Variants in FRMD6 observed in about 807,000 individuals in gnomAD.
The protein encoded by FRMD6 is FERM domain containing 6, also known as FERM domain-containing protein 6.
A neutral mutation model predicts 73.2 loss-of-function variants in FRMD6; 37 were observed. The observed-to-expected ratio is 0.51, with a 90% CI of 0.39 to 0.66. The LOEUF is 0.66. FRMD6 is among the 30% of genes least tolerant of loss of function. FRMD6 has a pLI of 0.00. For synonymous variants in FRMD6, 273 were observed against 282.2 expected, an observed-to-expected ratio of 0.97 and a Z score of 0.33; for missense variants, 714 against 780.5, an observed-to-expected ratio of 0.91 and a Z score of 1.02.
the FRMD6 span, among the ~76,000 whole-genome samples, chr14:51,417,117 CTG>C: frequency 3.9e-5 from 6 of 152,120 alleles, no homozygotes; most frequent in Non-Finnish European, 7.3e-5. Context: ...ATTTGCCAGT[CTG>C]TGTCTTTTAA....
At chr14:51,556,233 C>T (rs138973294) in intron 1 of FRMD6, among the ~76,000 whole-genome samples, 1 of 152,362 alleles carries the variant, frequency 6.6e-6, no homozygotes, top group African/African-American at 2.4e-5. Flanking sequence ...TTTCTACCCA[C>T]AGACATCAAT....
chr14:51,417,427 A>T, the FRMD6 span, among the ~76,000 whole-genome samples: 1 of 152,172 alleles, frequency 6.6e-6, no homozygotes, highest in East Asian at 1.9e-4. Context: ...GTTTGGCTGG[A>T]TATGCAGTTC....
At chr14:51,553,795 G>A (rs920986538) in intron 1 of FRMD6, among the ~76,000 whole-genome samples, 5 of 152,146 alleles carry the variant, frequency 3.3e-5, no homozygotes, top group Admixed American at 2.6e-4. Flanking sequence ...AAGAGAAGAC[G>A]GTGGAGTTTA....
rs1884118687 is a variant in FRMD6, at chr14:51,508,658, T to C, written c.-210+19238T>C. Among the ~76,000 whole-genome samples the C allele has an allele frequency of 2.6e-5, 4 of 152,234 alleles. No individual in the cohort carries two copies. In the South Asian group the frequency reaches 6.2e-4, roughly 24 times the overall value. ...CTTAGTAAGGAGAAAAACAAGGCTG[T>C]AGCCCGACTGGAAAATTTACTGCGG... On this transcript the variant is annotated intron_variant, in intron 1 of 14. Transcript: ENST00000356218.
chr14:51,602,757 C>G (rs1890089110), intron 2 of FRMD6, among the ~76,000 whole-genome samples: 2 of 152,168 alleles, frequency 1.3e-5, no homozygotes, highest in African/African-American at 2.4e-5. Context: ...TTTGGGTGAA[C>G]AGTTTTTTAA....
upstream of FRMD6, chr14:51,650,544 C>T (rs944974202): frequency 6.6e-5 from 10 of 151,076 alleles, no homozygotes; most frequent in Non-Finnish European, 1.5e-4. Context: ...TACAGGCGCC[C>T]GCCACTACGC....
At chr14:51,652,116 G>A (rs1892450748) in intron 1 of FRMD6, 120 bp downstream of exon 1, 1 of 152,334 alleles carries the variant, frequency 6.6e-6, no homozygotes. Context: ...GTTTCGGGAG[G>A]GTTTCTGGAA....
intron 7 of FRMD6, among the ~76,000 whole-genome samples, chr14:51,709,429 G>A (rs779090053): frequency 4.6e-5 from 7 of 152,178 alleles, no homozygotes; most frequent in Admixed American, 4.6e-4. Flanking sequence ...TATTATGCTT[G>A]TTATCTCTAC....
chr14:51,625,488 A>G (rs1891082535), intron 2 of FRMD6, among the ~76,000 whole-genome samples: 3 of 149,618 alleles, frequency 2.0e-5, no homozygotes, highest in South Asian at 4.2e-4. Context: ...AATGATGGTG[A>G]AAAAAACAGA....
At position 51,545,597 on chromosome 14, in the gene FRMD6, G is replaced by A. The variant is rs192222050; in HGVS notation, c.-209-24751G>A. Among the ~76,000 whole-genome samples, 8 of 152,134 alleles carry A rather than the reference G, an allele frequency of 5.3e-5. No homozygotes were observed. The East Asian group carries it at 1.4e-3, about 26-fold the overall frequency. ...TCTGGCTTCCCTCTCATCCCCCAGA[G>A]CCATTTTACCAGCACACCACTGCCT... On this transcript the variant is annotated intron_variant, in intron 1 of 14. Coordinates refer to the FRMD6 transcript ENST00000356218.
the FRMD6 span, among the ~76,000 whole-genome samples, chr14:51,427,976 T>G: frequency 6.6e-6 from 1 of 152,238 alleles, no homozygotes; most frequent in Admixed American, 6.5e-5. Context: ...TACAAAGAGG[T>G]ACATCCAGTG....
At chr14:51,544,787 A>G (rs1886380890) in intron 1 of FRMD6, among the ~76,000 whole-genome samples, 1 of 152,094 alleles carries the variant, frequency 6.6e-6, no homozygotes, top group Non-Finnish European at 1.5e-5. Flanking sequence ...TTTGTAGTCA[A>G]GCCTGCATAA....
At chr14:51,467,517 G>A in the FRMD6 span, among the ~76,000 whole-genome samples, 4 of 152,194 alleles carry the variant, frequency 2.6e-5, no homozygotes, top group Non-Finnish European at 4.4e-5. Flanking sequence ...AGGCAGAGGG[G>A]CTCCTCACTT....
At chr14:51,550,597 A>G (rs1313663442) in intron 1 of FRMD6, among the ~76,000 whole-genome samples, 1 of 143,124 alleles carries the variant, frequency 7.0e-6, no homozygotes, top group African/African-American at 2.6e-5. Flanking sequence ...CGCCATGCTT[A>G]TAGCTTGAAT....
In FRMD6 at chr14:51,530,541, C is replaced by T. The variant is rs546987624; in HGVS notation, c.-209-39807C>T. 2.6e-5 allele frequency among the ~76,000 whole-genome samples: 4 copies of T among 152,262 alleles called. No homozygotes were observed. In the South Asian group the frequency reaches 8.3e-4, roughly 32 times the overall value. On this transcript the variant is annotated intron_variant, in intron 1 of 14. Transcript: ENST00000356218. ...TGTCACCCAGGCTGGAGTGCAGTGG[C>T]ACAATCTTGGCTCACTGCAACCTCT...
At chr14:51,558,835 T>C (rs1208335224) in intron 1 of FRMD6, among the ~76,000 whole-genome samples, 1 of 152,190 alleles carries the variant, frequency 6.6e-6, no homozygotes, top group Non-Finnish European at 1.5e-5. Flanking sequence ...CACCTGTCAT[T>C]TCTTGCTATC....
chr14:51,644,680 T>C (rs1891985067), intron 2 of FRMD6, among the ~76,000 whole-genome samples: 1 of 152,198 alleles, frequency 6.6e-6, no homozygotes, highest in Non-Finnish European at 1.5e-5. Context: ...TATTAATGTG[T>C]CTCCTCATTA....
Position 51,549,591 on chromosome 14 carries a change from C to CTTTTTTTT in FRMD6, c.-209-20754_-209-20753insTTTTTTTT, listed in dbSNP as rs1168905376. 1.2e-4 allele frequency among the ~76,000 whole-genome samples: 11 copies of CTTTTTTTT among 93,614 alleles called. 1 individual carries two copies. Among genetic ancestry groups the CTTTTTTTT allele is most frequent in the Non-Finnish European group, 1.4e-4 (7 of 50,084 alleles). 61.4% of individuals were successfully genotyped at this position (93,614 alleles called of 152,430 possible). A position where few individuals can be genotyped will look rare whatever the true frequency, so the allele number is the denominator to read the frequency against. ...CAGCTGGAGTATAAACTTTTTTTTT[C>CTTTTTTTT]TTTCTTTTTTTTTTTTTTTTTTTTG... is the stretch of plus-strand genomic sequence containing the variant. On this transcript the variant is annotated intron_variant, in intron 1 of 14. Coordinates refer to the FRMD6 transcript ENST00000356218.
the FRMD6 span, among the ~76,000 whole-genome samples, chr14:51,406,873 G>A: frequency 6.6e-6 from 1 of 151,992 alleles, no homozygotes; most frequent in South Asian, 2.1e-4. Context: ...TATTTTTAAT[G>A]CTATTATAAA....
Sources: allele counts gnomAD v4.1 joint callset (sites outside exome capture counted in the v4.1 genomes callset), GRCh38; gene constraint gnomAD v4.1.1; transcripts MANE v1.5; gene names NCBI Gene and HGNC (gene_info 2026-07-23, HGNC 2026-07-21).